LRP2: variants seen among roughly 807,000 people sequenced by gnomAD.
LRP2 encodes LDL receptor related protein 2.
A neutral mutation model predicts 531.0 loss-of-function variants in LRP2; 172 were observed. That is an observed-to-expected ratio of 0.32 (90% confidence interval 0.29 to 0.37). LRP2 has a LOEUF of 0.37. Among genes scored for constraint, LRP2 ranks in the 10% least tolerant of loss-of-function variants. The probability of loss-of-function intolerance (pLI) is 1.00; values close to 1 mark genes in which losing one functional copy is unlikely to be tolerated. For missense variants in LRP2, 5,167 were observed against 5,868.3 expected, an observed-to-expected ratio of 0.88 and a Z score of 3.90; for synonymous variants, 1,992 against 2,027.6, an observed-to-expected ratio of 0.98 and a Z score of 0.47.
intron 63 of LRP2, among the ~76,000 whole-genome samples, chr2:169,160,675 A>C (rs1334876419): frequency 8.8e-6 from 1 of 113,024 alleles, no homozygotes; most frequent in African/African-American, 3.3e-5. Context: ...TGTGCTACTT[A>C]TTTCCTTAAA....
intron 9 of LRP2, 85 bp downstream of exon 9, chr2:169,288,941 G>C (rs1315266745): frequency 3.1e-6 from 5 of 1,600,458 alleles, no homozygotes; most frequent in Non-Finnish European, 4.3e-6. Flanking sequence ...CTCTCCACAA[G>C]TGCAACCTCC....
intron 37 of LRP2, 87 bp downstream of exon 37, chr2:169,211,881 A>G (rs1394997895): frequency 1.3e-6 from 2 of 1,530,268 alleles, no homozygotes; most frequent in African/African-American, 2.7e-5. Flanking sequence ...CACTGAATCC[A>G]CACATGAAGA....
chr2:169,267,507 T>C (rs1683250944), intron 16 of LRP2, among the ~76,000 whole-genome samples: 1 of 152,194 alleles, frequency 6.6e-6, no homozygotes, highest in African/African-American at 2.4e-5. Flanking sequence ...GAATGACTAC[T>C]GGGTAAGCAA....
intron 8 of LRP2, 61 bp from the exon 9 acceptor site, chr2:169,289,206 T>A: frequency 6.3e-7 from 1 of 1,599,710 alleles, no homozygotes; most frequent in African/African-American, 1.3e-5. Context: ...CTGATTAATC[T>A]AATAGCTTCT....
intron 51 of LRP2, 58 bp downstream of exon 51, chr2:169,182,109 G>A: frequency 6.2e-7 from 1 of 1,603,622 alleles, no homozygotes; most frequent in South Asian, 1.1e-5. Flanking sequence ...AGCCTTCTCG[G>A]TAACAGAGGC....
intron 1 of LRP2, among the ~76,000 whole-genome samples, chr2:169,323,705 A>G (rs830979): frequency 0.41 from 61,542 of 151,554 alleles, 13,107 homozygotes; most frequent in African/African-American, 0.54. Flanking sequence ...TCTACATAGA[A>G]CCAGCTTTAA....
chr2:169,207,335 T>A, intron 38 of LRP2, 85 bp from the exon 39 acceptor site: 1 of 941,948 alleles, frequency 1.1e-6, no homozygotes, highest in Non-Finnish European at 1.7e-6. Context: ...GAACAAAATA[T>A]ATAAGGTTGA....
At chr2:169,158,685 T>C (rs1445888240) in intron 63 of LRP2, among the ~76,000 whole-genome samples, 2 of 151,918 alleles carry the variant, frequency 1.3e-5, no homozygotes, top group Admixed American at 1.3e-4. Context: ...CTCCATTTAG[T>C]ATAGAATATT....
At chr2:169,157,595 T>C (rs753851135) in intron 63 of LRP2, 93 bp from the exon 64 acceptor site, 100 of 1,419,644 alleles carry the variant, frequency 7.0e-5, no homozygotes, top group Non-Finnish European at 6.8e-5. Flanking sequence ...TAACCAACTA[T>C]AGGACATCTT....
At chr2:169,313,441 C>G (rs1484160574) in intron 3 of LRP2, among the ~76,000 whole-genome samples, 1 of 152,222 alleles carries the variant, frequency 6.6e-6, no homozygotes, top group Non-Finnish European at 1.5e-5. Flanking sequence ...TCAGGACCCT[C>G]AGCTGCAGGT....
chr2:169,259,751 A>ACG (rs1690469436), intron 16 of LRP2, among the ~76,000 whole-genome samples: 1 of 143,654 alleles, frequency 7.0e-6, no homozygotes, highest in Non-Finnish European at 1.5e-5. Flanking sequence ...ACAACAAAAA[A>ACG]AAAAAAACGC....
At chr2:169,178,345 T>C (rs908880501) in intron 52 of LRP2, among the ~76,000 whole-genome samples, 6 of 152,216 alleles carry the variant, frequency 3.9e-5, no homozygotes, top group African/African-American at 1.4e-4. Context: ...GTTTATGGCC[T>C]CTTATAGTGA....
intron 1 of LRP2, among the ~76,000 whole-genome samples, chr2:169,333,326 C>T (rs1685314451): frequency 6.6e-6 from 1 of 152,014 alleles, no homozygotes; most frequent in East Asian, 1.9e-4. Context: ...ACTAAGCGAC[C>T]TCTGTATTCC....
At chr2:169,224,120 T>C (rs1204474272) in intron 33 of LRP2, among the ~76,000 whole-genome samples, 2 of 152,226 alleles carry the variant, frequency 1.3e-5, no homozygotes, top group Non-Finnish European at 2.9e-5. Flanking sequence ...CTTTTTAGTA[T>C]AGATAGGTGC....
chr2:169,260,326 G>A (rs1340032576), intron 16 of LRP2, among the ~76,000 whole-genome samples: 2 of 152,110 alleles, frequency 1.3e-5, no homozygotes, highest in Non-Finnish European at 2.9e-5. Flanking sequence ...CAGAGGTCTG[G>A]GGTGGTTGAC....
In LRP2 at chr2:169,205,556, C is replaced by T. The variant is rs1299722831; in HGVS notation, c.7638G>A (p.Val2546=). 1 of 1,613,996 alleles carries T rather than the reference C, an allele frequency of 6.2e-7. No individual in the cohort carries two copies. The highest frequency in any genetic ancestry group is 1.3e-5 in the African/African-American group (1 of 74,892). ...CACTGGGCATGACCAGACTGCTGTT[C>T]ACAATGGGTACGCGGAAGTTTCCTC... ...TLGGNFRVPI[V]NSSLVMPSGL... is the part of the protein sequence containing the mutation. Residue 2546 remains valine, a synonymous_variant, in exon 41 of 79, where the codon GTG becomes GTA. Transcript: ENST00000649046.
chr2:169,358,729 C>T (rs1223564040), intron 1 of LRP2, among the ~76,000 whole-genome samples: 3 of 152,076 alleles, frequency 2.0e-5, no homozygotes, highest in East Asian at 1.9e-4. Context: ...AAGGTGGCTC[C>T]TGCCTATAAT....
At chr2:169,169,928 T>A in intron 59 of LRP2, 110 bp from the exon 60 acceptor site, 1 of 787,032 alleles carries the variant, frequency 1.3e-6, no homozygotes, top group Non-Finnish European at 2.2e-6. Context: ...ACCCTGTGAC[T>A]GGCTCACAGC....
At chr2:169,276,844 AT>A (rs562180952) in intron 13 of LRP2, among the ~76,000 whole-genome samples, 3 of 151,926 alleles carry the variant, frequency 2.0e-5, no homozygotes, top group Non-Finnish European at 4.4e-5. Flanking sequence ...ATCTAAAATA[AT>A]TTTTTTTACA....
Sources: allele counts gnomAD v4.1 joint callset (sites outside exome capture counted in the v4.1 genomes callset), GRCh38; gene constraint gnomAD v4.1.1; transcripts MANE v1.5; gene names NCBI Gene and HGNC (gene_info 2026-07-23, HGNC 2026-07-21).